Variants in GPD2 observed in about 807,000 individuals in gnomAD.
GPD2 encodes glycerol-3-phosphate dehydrogenase 2, also known as glycerol-3-phosphate dehydrogenase, mitochondrial.
Under a neutral mutation model 82.4 loss-of-function variants are expected in GPD2, and 54 were observed. That is an observed-to-expected ratio of 0.66 (90% CI 0.53 to 0.82). The LOEUF (loss-of-function observed/expected upper bound fraction) is 0.82. GPD2 is among the 40% of genes least tolerant of loss of function. The pLI is 0.00. For synonymous variants in GPD2, 288 were observed against 306.1 expected, an observed-to-expected ratio of 0.94 and a Z score of 0.62; for missense variants, 748 against 896.2, an observed-to-expected ratio of 0.83 and a Z score of 2.11.
At chr2:156,417,707 A>T in the GPD2 span, among the ~76,000 whole-genome samples, 1 of 152,106 alleles carries the variant, frequency 6.6e-6, no homozygotes, top group East Asian at 1.9e-4. Context: ...GGAAAAAGTT[A>T]TATTTTATCA....
intron 1 of GPD2, among the ~76,000 whole-genome samples, chr2:156,448,994 A>G (rs946373618): frequency 6.6e-6 from 1 of 152,196 alleles, no homozygotes; most frequent in Non-Finnish European, 1.5e-5. Flanking sequence ...CTGTGGCTGC[A>G]TCACTCCAGT....
intron 2 of GPD2, among the ~76,000 whole-genome samples, chr2:156,482,189 G>A (rs1006216956): frequency 1.3e-5 from 2 of 152,120 alleles, no homozygotes; most frequent in African/African-American, 4.8e-5. Context: ...AAAACTTTTG[G>A]GATTAGTAGC....
the GPD2 span, among the ~76,000 whole-genome samples, chr2:156,427,123 G>C: frequency 6.6e-6 from 1 of 152,198 alleles, no homozygotes; most frequent in South Asian, 2.1e-4. Context: ...GCCTCATTCA[G>C]TCACAGGACA....
chr2:156,448,282 G>A (rs1348898558), intron 1 of GPD2, among the ~76,000 whole-genome samples: 1 of 151,980 alleles, frequency 6.6e-6, no homozygotes, highest in African/African-American at 2.4e-5. Context: ...TAATTGTTTT[G>A]TATTTTTAGT....
chr2:156,521,482 T>A (rs1177635791), intron 6 of GPD2, among the ~76,000 whole-genome samples: 2 of 152,204 alleles, frequency 1.3e-5, no homozygotes, highest in African/African-American at 4.8e-5. Flanking sequence ...CAAAATAATT[T>A]ATAAGTACAA....
chr2:156,578,275 G>T (rs1040778956), intron 13 of GPD2, among the ~76,000 whole-genome samples: 1 of 152,084 alleles, frequency 6.6e-6, no homozygotes, highest in Admixed American at 6.6e-5. Context: ...CAAAATCTCA[G>T]CACAGCTAAT....
intron 6 of GPD2, among the ~76,000 whole-genome samples, chr2:156,517,340 C>T (rs1187112608): frequency 6.6e-6 from 1 of 152,068 alleles, no homozygotes; most frequent in Non-Finnish European, 1.5e-5. Flanking sequence ...TATTGTTAAC[C>T]ACTGAAAAAC....
At chr2:156,473,022 G>A (rs753818009) in intron 1 of GPD2, among the ~76,000 whole-genome samples, 1 of 152,122 alleles carries the variant, frequency 6.6e-6, no homozygotes, top group Non-Finnish European at 1.5e-5. Flanking sequence ...ATAAATGGTG[G>A]TGATTATTAT....
intron 6 of GPD2, among the ~76,000 whole-genome samples, chr2:156,520,180 T>A (rs1685347943): frequency 6.6e-6 from 1 of 151,956 alleles, no homozygotes; most frequent in Non-Finnish European, 1.5e-5. Flanking sequence ...GAATTTGGGG[T>A]TTTTATAGGT....
At chr2:156,401,458 T>G in the GPD2 span, among the ~76,000 whole-genome samples, 2 of 152,250 alleles carry the variant, frequency 1.3e-5, no homozygotes, top group Non-Finnish European at 2.9e-5. Context: ...TTTTGTCATG[T>G]ATGCACAGGA....
At chr2:156,523,717 G>GATAGATAT (rs1553473056) in intron 6 of GPD2, among the ~76,000 whole-genome samples, 1 of 148,350 alleles carries the variant, frequency 6.7e-6, no homozygotes. Flanking sequence ...TAGATAGATA[G>GATAGATAT]ATATTTTATG....
At chr2:156,406,732 G>T in the GPD2 span, among the ~76,000 whole-genome samples, 1 of 152,182 alleles carries the variant, frequency 6.6e-6, no homozygotes, top group East Asian at 1.9e-4. Context: ...TCTCATCTCT[G>T]GGTGAAGCAT....
intron 6 of GPD2, among the ~76,000 whole-genome samples, chr2:156,547,959 T>C (rs1358796501): frequency 6.6e-6 from 1 of 152,194 alleles, no homozygotes; most frequent in Non-Finnish European, 1.5e-5. Context: ...CCTGGATGGG[T>C]GAGCGTTTCT....
chr2:156,513,467 A>G lies in GPD2; in HGVS notation c.632A>G (p.Lys211Arg), dbSNP rs372524878. 25 of 1,613,204 alleles carry G rather than the reference A, an allele frequency of 1.5e-5. No individual in the cohort carries two copies. The African/African-American group carries it at 3.2e-4, about 21-fold the overall frequency. The change falls in exon 6 of 17, where the codon AAA (lysine) becomes AGA (arginine). Residue 211 changes from lysine to arginine, a missense_variant. Lys to Arg is a conservative substitution (Grantham distance 26, BLOSUM62 2). Around this residue, in one of 3 missense-constraint regions of GPD2, gnomAD observed 692 missense variants for 809.7 expected, o/e 0.85. Transcript: ENST00000438166. ...LEHFPMLQKD[K>R]LVGAIVYYDG... ...CATTTCCCAATGCTCCAGAAGGACA[A>G]ACTGGTAGGAGCAATTGTCTACTAT...
chr2:156,406,104 G>A, the GPD2 span, among the ~76,000 whole-genome samples: 1 of 145,454 alleles, frequency 6.9e-6, no homozygotes, highest in Non-Finnish European at 1.5e-5. Flanking sequence ...GCTTATTTCT[G>A]TCCCAGGTTA....
chr2:156,522,352 G>C (rs1223262224), intron 6 of GPD2, among the ~76,000 whole-genome samples: 1 of 152,142 alleles, frequency 6.6e-6, no homozygotes, highest in Non-Finnish European at 1.5e-5. Context: ...GTATATAAAA[G>C]CTTAAAGACA....
intron 8 of GPD2, among the ~76,000 whole-genome samples, chr2:156,551,364 CT>C (rs1686753056): frequency 6.6e-6 from 1 of 152,030 alleles, no homozygotes. Flanking sequence ...TCATTAAACT[CT>C]TTTTATATAT....
intron 13 of GPD2, among the ~76,000 whole-genome samples, chr2:156,572,538 A>G (rs1687678710): frequency 6.6e-6 from 1 of 152,100 alleles, no homozygotes; most frequent in South Asian, 2.1e-4. Context: ...AGATCATTGG[A>G]TATGTCTGTG....
chr2:156,564,532 A>G (rs1245973458), intron 9 of GPD2, among the ~76,000 whole-genome samples: 2 of 152,094 alleles, frequency 1.3e-5, no homozygotes, highest in Non-Finnish European at 2.9e-5. Flanking sequence ...TGCCCCTTAG[A>G]CATGGATTAT....
Sources: gnomAD v4.1 joint callset for allele counts (sites outside exome capture counted in the v4.1 genomes callset) on GRCh38, gnomAD v4.1.1 for gene constraint, gnomAD v4.1.1 regional missense constraint, MANE v1.5 for transcripts, NCBI Gene and HGNC (gene_info 2026-07-23, HGNC 2026-07-21) for gene names.